Variants in MAN1C1 observed in about 807,000 individuals in gnomAD.
MAN1C1 encodes the protein mannosidase alpha class 1C member 1.
MAN1C1 carries 49 observed loss-of-function variants against 71.5 expected under a neutral mutation model. That is an observed-to-expected ratio of 0.69 (90% CI 0.54 to 0.87). The LOEUF (loss-of-function observed/expected upper bound fraction) is 0.87, where lower values mean the gene tolerates loss of function less well. MAN1C1 is among the 40% of genes least tolerant of loss of function. The pLI is 0.00. For synonymous variants in MAN1C1, 352 were observed against 343.7 expected (o/e 1.02, Z -0.27); for missense variants, 743 against 835.0 (o/e 0.89, Z 1.36).
intron 2 of MAN1C1, among the ~76,000 whole-genome samples, chr1:25,689,030 C>G (rs934096834): frequency 6.6e-6 from 1 of 152,116 alleles, no homozygotes; most frequent in African/African-American, 2.4e-5. Flanking sequence ...GTGGCTGGCA[C>G]CTGGGAAAGG....
In MAN1C1 at chr1:25,735,481, T is replaced by C. The variant is rs762013207; in HGVS notation, c.638-11187T>C. 6.6e-6 allele frequency among the ~76,000 whole-genome samples: 1 copy of C among 152,184 alleles called. No individual in the cohort carries two copies. Among genetic ancestry groups the C allele is most frequent in the African/African-American group, 2.4e-5 (1 of 41,446 alleles). ...GTGTGTATCTATATATGTGTATGTATATATGTGTGTATATGTGTGTATGTA... is the reference window on the plus strand; with the variant it reads ...GTGTGTATCTATATATGTGTATGTACATATGTGTGTATATGTGTGTATGTA... On this transcript the variant is annotated intron_variant, in intron 2 of 11. Coordinates refer to ENST00000374332, the MANE Select transcript of MAN1C1 (RefSeq NM_020379.4). This position sits in a 1 kb window ranked among gnomAD's most constrained non-coding sequence, Gnocchi z 4.6.
In MAN1C1 at chr1:25,617,926, G is replaced by GC; in HGVS notation, c.133dup (p.His45ProfsTer24). The GC allele has an allele frequency of 6.2e-7, 1 of 1,606,772 alleles. No homozygotes were observed. The highest frequency in any genetic ancestry group is 8.5e-7 in the Non-Finnish European group (1 of 1,177,442). On this transcript the variant is annotated frameshift_variant, in exon 1 of 12. Transcript: ENST00000374332. LOFTEE classifies it high-confidence loss of function. The surrounding 1 kb of genome is among the most constrained non-coding windows in gnomAD (Gnocchi z 5.1). ...TGTGCTTCGGGGCCCTCTTCCTGCT[G>GC]CCCCACTCCTCTCGCCTCAAGCGCC...
intron 1 of MAN1C1, among the ~76,000 whole-genome samples, chr1:25,637,598 A>AT (rs962136921): frequency 0.018 from 2,612 of 145,070 alleles, 41 homozygotes; most frequent in African/African-American, 0.04. Flanking sequence ...AAAACTATGT[A>AT]TTTTTTTTTT....
intron 2 of MAN1C1, among the ~76,000 whole-genome samples, chr1:25,689,417 A>G (rs2046277348): frequency 6.6e-6 from 1 of 152,132 alleles, no homozygotes; most frequent in Non-Finnish European, 1.5e-5. Flanking sequence ...GGAACTAATG[A>G]TATACTCAAA....
chr1:25,681,954 TA>T (rs11363752), intron 1 of MAN1C1, among the ~76,000 whole-genome samples: 20,150 of 146,444 alleles, frequency 0.14, 2,662 homozygotes, highest in African/African-American at 0.35. Flanking sequence ...CTATTTGCCT[TA>T]AAAAAAAAAA....
Position 25,699,421 on chromosome 1 carries a change from A to C in MAN1C1, c.637+12885A>C, listed in dbSNP as rs150697910. Among the ~76,000 whole-genome samples, 194 of 152,182 alleles carry C rather than the reference A, an allele frequency of 1.3e-3. 1 individual carries two copies. Among genetic ancestry groups the C allele is most frequent in the African/African-American group, 4.4e-3 (184 of 41,540 alleles). Reference sequence around the variant, plus strand: ...GCAAGACCTCGGCCCCTTGGGGTCTAAAAGATGTTCAGTGTGGCTGTACTG... The same window carrying C: ...GCAAGACCTCGGCCCCTTGGGGTCTCAAAGATGTTCAGTGTGGCTGTACTG... On this transcript the variant is annotated intron_variant, in intron 2 of 11. Transcript: ENST00000374332.
intron 4 of MAN1C1, among the ~76,000 whole-genome samples, chr1:25,750,223 TCTC>T (rs10600964): frequency 0.58 from 87,379 of 151,750 alleles, 26,106 homozygotes; most frequent in Middle Eastern, 0.79. Context: ...AAGCCCATCT[TCTC>T]CTCCCTGCGA....
At chr1:25,680,348 C>T (rs1053900826) in intron 1 of MAN1C1, among the ~76,000 whole-genome samples, 2 of 152,160 alleles carry the variant, frequency 1.3e-5, no homozygotes, top group Admixed American at 6.5e-5. Flanking sequence ...CACGTGTGAG[C>T]CACCATGCCC....
chr1:25,744,622 C>A (rs1223530087), intron 2 of MAN1C1, among the ~76,000 whole-genome samples: 1 of 152,182 alleles, frequency 6.6e-6, no homozygotes, highest in Non-Finnish European at 1.5e-5. Context: ...TTCCTCCTAA[C>A]TTCTCCCTCC....
chr1:25,679,784 A>G (rs1325767201), intron 1 of MAN1C1, among the ~76,000 whole-genome samples: 1 of 151,678 alleles, frequency 6.6e-6, no homozygotes, highest in African/African-American at 2.4e-5. Context: ...TTGTGAACCA[A>G]TTTGAAAGTT....
rs12084135 is a variant in MAN1C1 at position 25,628,960 on chromosome 1, A to G, written c.540+10623A>G. On this transcript the variant is annotated intron_variant, in intron 1 of 11. Coordinates refer to ENST00000374332, the MANE Select transcript of MAN1C1 (RefSeq NM_020379.4). The stretch of plus-strand genomic sequence containing the variant: ...TCACAGCTCCGTAGTATTCCATGGC[A>G]TATATATACCACATTTTCTTTATCC... 1.5e-3 allele frequency among the ~76,000 whole-genome samples: 234 copies of G among 152,306 alleles called. 1 individual carries two copies. Among genetic ancestry groups the G allele is most frequent in the African/African-American group, 5.3e-3 (222 of 41,566 alleles).
chr1:25,771,303 C>G (rs1263620823), intron 7 of MAN1C1, among the ~76,000 whole-genome samples: 1 of 152,242 alleles, frequency 6.6e-6, no homozygotes, highest in East Asian at 1.9e-4. Context: ...ATAAAAATCT[C>G]TGAACTCCCT....
At chr1:25,739,529 C>T (rs991511649) in intron 2 of MAN1C1, among the ~76,000 whole-genome samples, 4 of 152,096 alleles carry the variant, frequency 2.6e-5, no homozygotes, top group Non-Finnish European at 5.9e-5. Context: ...GACCATTTCT[C>T]TTTGCTAATA....
intron 7 of MAN1C1, 120 bp from the exon 8 acceptor site, chr1:25,771,537 A>T: frequency 1.4e-6 from 1 of 702,412 alleles, no homozygotes; most frequent in Admixed American, 2.4e-5. Context: ...TGCTGGCGAG[A>T]TGCCCGCTTC....
At chr1:25,699,589 G>A (rs1025538072) in intron 2 of MAN1C1, among the ~76,000 whole-genome samples, 14 of 152,122 alleles carry the variant, frequency 9.2e-5, no homozygotes, top group Admixed American at 3.3e-4. Flanking sequence ...GCCGTCAGTC[G>A]ACTCTGCCAC....
Position 25,758,637 on chromosome 1 carries a change from G to A in MAN1C1, c.975G>A (p.Ala325=), listed in dbSNP as rs1019147772. 9 of 1,614,200 alleles carry A rather than the reference G, an allele frequency of 5.6e-6. No individual in the cohort carries two copies. Among genetic ancestry groups the A allele is most frequent in the African/African-American group, 1.3e-5 (1 of 75,050 alleles). The change falls in exon 6 of 12, where the codon GCG becomes GCA. Residue 325 remains alanine, a synonymous_variant. Coordinates refer to ENST00000374332, the MANE Select transcript of MAN1C1 (RefSeq NM_020379.4). ...CAGCCGGCAGCAGCAGCATCTTGGCGGAGTTTGGATCCCTGCACTTGGAAT... is the reference window on the plus strand; with the variant it reads ...CAGCCGGCAGCAGCAGCATCTTGGCAGAGTTTGGATCCCTGCACTTGGAAT... ...WATAGSSSIL[A]EFGSLHLEFL...
intron 1 of MAN1C1, among the ~76,000 whole-genome samples, chr1:25,674,918 C>T (rs529683697): frequency 6.6e-6 from 1 of 152,134 alleles, no homozygotes; most frequent in African/African-American, 2.4e-5. Flanking sequence ...CCATCTAGGC[C>T]AGTCAGGAGG....
Position 25,631,421 on chromosome 1 carries a change from T to C in MAN1C1, c.540+13084T>C. Among the ~76,000 whole-genome samples the C allele has an allele frequency of 6.6e-6, 1 of 152,234 alleles. No individual in the cohort carries two copies. Among genetic ancestry groups the C allele is most frequent in the East Asian group, 1.9e-4 (1 of 5,206 alleles). The stretch of plus-strand genomic sequence containing the variant: ...ATTATTTTGAGATAAGTCCTTTCTA[T>C]GCCTGGTTTGTTGAGAGTTTTTTTT... On this transcript the variant is annotated intron_variant, in intron 1 of 11. Coordinates refer to ENST00000374332, the MANE Select transcript of MAN1C1 (RefSeq NM_020379.4). This position sits in a 1 kb window ranked among gnomAD's most constrained non-coding sequence, Gnocchi z 4.2.
intron 1 of MAN1C1, among the ~76,000 whole-genome samples, chr1:25,618,681 G>T (rs2045156371): frequency 6.6e-6 from 1 of 152,056 alleles, no homozygotes; most frequent in African/African-American, 2.4e-5. Flanking sequence ...TTGCTAATGA[G>T]AGTGGAGTTC....
Sources: allele counts gnomAD v4.1 joint callset (sites outside exome capture counted in the v4.1 genomes callset), GRCh38; gene constraint gnomAD v4.1.1; non-coding constraint Gnocchi (gnomAD v3.1); transcripts MANE v1.5; gene names NCBI Gene and HGNC (gene_info 2026-07-23, HGNC 2026-07-21).